Variants in GAS2L1 observed in about 807,000 individuals in gnomAD.
GAS2L1 encodes growth arrest specific 2 like 1.
Under a neutral mutation model 44.0 loss-of-function variants are expected in GAS2L1, and 26 were observed. The ratio of observed to expected loss-of-function variants is 0.59; its 90% CI spans 0.43 to 0.82. The LOEUF is 0.82. Ranked by LOEUF, GAS2L1 falls within the 40% of genes least tolerant of loss-of-function variation. GAS2L1 has a pLI of 0.00. For missense variants in GAS2L1, 1,006 were observed against 983.0 expected (o/e 1.02, Z -0.31); for synonymous variants, 426 against 415.9 (o/e 1.02, Z -0.30).
chr22:29,308,815 G>T, intron 1 of GAS2L1, 77 bp downstream of exon 2: 1 of 1,186,606 alleles, frequency 8.4e-7, no homozygotes. Flanking sequence ...ACCTCCCAGG[G>T]TCCACCCTGC....
At chr22:29,308,098 G>T in exon 1 of GAS2L1, 1 of 1,541,034 alleles carries the variant, frequency 6.5e-7, no homozygotes. Flanking sequence ...GACTCGGCCG[G>T]TCCGGGCATG....
chr22:29,308,420 CT>C lies in GAS2L1; in HGVS notation c.317del (p.Phe106SerfsTer95). 6.2e-7 allele frequency: 1 copy of C among 1,608,126 alleles called. No homozygotes were observed. The stretch of plus-strand genomic sequence containing the variant: ...TCATGGCGCGCGACAACGTGGCCAC[CT>C]TCATCGGCTGGTGCCGCGTGGAGCT... On this transcript the variant is annotated frameshift_variant, in exon 1 of 5. Transcript: ENST00000618518. LOFTEE classifies it high-confidence loss of function.
chr22:29,311,274 TC>T (rs2061402613), intron 4 of GAS2L1, 187 bp from the exon 6 acceptor site: 3 of 576,550 alleles, frequency 5.2e-6, no homozygotes, highest in African/African-American at 3.8e-5. Context: ...AACTTCTTCT[TC>T]CGTGGCTTTT....
exon 1 of GAS2L1, chr22:29,308,583 T>C (rs750346629): frequency 3.8e-6 from 6 of 1,599,820 alleles, no homozygotes; most frequent in Non-Finnish European, 5.1e-6. Flanking sequence ...CCTCGTGCAG[T>C]TTGAGCAGGA....
exon 1 of GAS2L1, chr22:29,308,400 G>T (rs1172437132): frequency 6.2e-7 from 1 of 1,608,650 alleles, no homozygotes; most frequent in Non-Finnish European, 8.5e-7. Context: ...CTCCTTCATG[G>T]CGCGCGACAA....
At chr22:29,307,647 C>A (rs1441522407) in exon 1 of GAS2L1, 1 of 155,998 alleles carries the variant, frequency 6.4e-6, no homozygotes, top group Non-Finnish European at 1.4e-5. Flanking sequence ...GACCTTCCCG[C>A]AGGACATGGG....
At chr22:29,310,704 A>C in exon 3 of GAS2L1, 2 of 1,609,850 alleles carry the variant, frequency 1.2e-6, no homozygotes, top group Non-Finnish European at 1.7e-6. Flanking sequence ...TTACCTGGAC[A>C]AGCACGACCC....
intron 1 of GAS2L1, among the ~76,000 whole-genome samples, chr22:29,309,471 T>C (rs1331135169): frequency 2.0e-5 from 3 of 152,242 alleles, no homozygotes; most frequent in Non-Finnish European, 4.4e-5. Flanking sequence ...GGGAGGCAGA[T>C]AGCGGATGGC....
chr22:29,309,395 C>A (rs1227479897), intron 1 of GAS2L1, among the ~76,000 whole-genome samples: 1 of 152,248 alleles, frequency 6.6e-6, no homozygotes, highest in Non-Finnish European at 1.5e-5. Flanking sequence ...TGGCCCCTGC[C>A]ACCCCTGAGG....
exon 1 of GAS2L1, chr22:29,308,401 C>T (rs1347535071): frequency 6.8e-6 from 11 of 1,608,150 alleles, no homozygotes; most frequent in East Asian, 2.2e-5. Context: ...TCCTTCATGG[C>T]GCGCGACAAC....
chr22:29,312,557 C>G (rs900915065), exon 5 of GAS2L1: 1 of 1,292,416 alleles, frequency 7.7e-7, no homozygotes, highest in South Asian at 1.7e-5. Flanking sequence ...TGGCCTTAAC[C>G]CTTCTGCATC....
chr22:29,308,285 G>T, exon 1 of GAS2L1: 1 of 1,607,910 alleles, frequency 6.2e-7, no homozygotes, highest in Non-Finnish European at 8.5e-7. Flanking sequence ...CCACGGGCAC[G>T]ACCCTGTGCC....
At chr22:29,312,604 T>C in exon 5 of GAS2L1, 4 of 779,614 alleles carry the variant, frequency 5.1e-6, no homozygotes, top group Non-Finnish European at 7.8e-6. Flanking sequence ...CCAGACCTCA[T>C]GGGACCAGAC....
exon 5 of GAS2L1, chr22:29,311,865 C>A: frequency 6.3e-7 from 1 of 1,596,044 alleles, no homozygotes. Flanking sequence ...CAGGAGCACC[C>A]CCCAGACTCC....
At chr22:29,311,934 T>C (rs779078155) in exon 5 of GAS2L1, 3 of 1,604,996 alleles carry the variant, frequency 1.9e-6, no homozygotes, top group South Asian at 2.2e-5. Context: ...CAGTCCAGAG[T>C]TGGGCACCAC....
chr22:29,310,946 A>T, exon 4 of GAS2L1: 1 of 1,613,732 alleles, frequency 6.2e-7, no homozygotes, highest in Non-Finnish European at 8.5e-7. Context: ...CCGGCCTGAG[A>T]TGACTCCCGT....
At chr22:29,308,050 T>TCC in exon 1 of GAS2L1, 2 of 1,447,302 alleles carry the variant, frequency 1.4e-6, no homozygotes, top group Non-Finnish European at 1.8e-6. Flanking sequence ...GCTTACTGGG[T>TCC]CCCCACAGCG....
chr22:29,308,189 C>T (rs1473679387), exon 1 of GAS2L1: 6 of 1,608,198 alleles, frequency 3.7e-6, no homozygotes, highest in Non-Finnish European at 5.1e-6. Context: ...ACGTGGAGGC[C>T]ATGAAGGAGG....
exon 1 of GAS2L1, chr22:29,308,670 C>T (rs1224921996): frequency 2.0e-6 from 3 of 1,527,792 alleles, no homozygotes; most frequent in Non-Finnish European, 2.6e-6. Flanking sequence ...TGAAACCGCC[C>T]CCGCACCAGG....
Sources: allele counts gnomAD v4.1 joint callset (sites outside exome capture counted in the v4.1 genomes callset), GRCh38; gene constraint gnomAD v4.1.1; transcripts MANE v1.5; gene names NCBI Gene and HGNC (gene_info 2026-07-23, HGNC 2026-07-21).